Variants in TMPRSS9 observed in about 807,000 individuals in gnomAD.
TMPRSS9 encodes the protein transmembrane serine protease 9, also known as transmembrane protease serine 9.
Under a neutral mutation model 111.4 loss-of-function variants are expected in TMPRSS9, and 113 were observed. The observed-to-expected ratio is 1.01, with a 90% CI of 0.87 to 1.19. The LOEUF (loss-of-function observed/expected upper bound fraction) is 1.19, where lower values mean the gene tolerates loss of function less well. TMPRSS9 is among the 50% of genes most tolerant of loss of function. TMPRSS9 has a pLI of 0.00. For missense variants in TMPRSS9, 1,803 were observed against 1,513.1 expected (o/e 1.19, Z -3.18); for synonymous variants, 805 against 659.1 (o/e 1.22, Z -3.39).
chr19:2,413,764 T>C, exon 10 of TMPRSS9: 1 of 1,613,464 alleles, frequency 6.2e-7, no homozygotes, highest in Non-Finnish European at 8.5e-7. Context: ...GCTGGCATCG[T>C]GAGCTGGGGA....
intron 1 of TMPRSS9, among the ~76,000 whole-genome samples, chr19:2,391,346 A>G (rs1260601724): frequency 1.3e-5 from 2 of 148,778 alleles, no homozygotes; most frequent in Non-Finnish European, 3.0e-5. Flanking sequence ...TCGCGATCCT[A>G]TGAGAATCCT....
At chr19:2,363,600 G>C (rs998876640) in intron 1 of TMPRSS9, among the ~76,000 whole-genome samples, 2 of 151,790 alleles carry the variant, frequency 1.3e-5, no homozygotes, top group Admixed American at 1.3e-4. Flanking sequence ...TGATGGAGCT[G>C]GTGCTTGGGG....
intron 13 of TMPRSS9, among the ~76,000 whole-genome samples, chr19:2,419,160 ACCTTTCCTTCCTTT>A (rs369095640): frequency 0.077 from 4,975 of 64,532 alleles, 228 homozygotes; most frequent in East Asian, 0.24. Flanking sequence ...TTCCCTCCCT[ACCTTTCCTTCCTTT>A]CCTTTCCTTC....
rs1971329769 is a variant in TMPRSS9, at chr19:2,418,370, TCCC to T, written c.2154+233_2154+235del. 2.0e-4 allele frequency among the ~76,000 whole-genome samples: 10 copies of T among 50,970 alleles called. 1 individual carries two copies. Among genetic ancestry groups the T allele is most frequent in the African/African-American group, 9.0e-4 (9 of 10,026 alleles). The allele number at this position is 50,970 out of a possible 152,430, so 33.4% of individuals were successfully genotyped here. A position where few individuals can be genotyped will look rare whatever the true frequency, so the allele number is the denominator to read the frequency against. The stretch of plus-strand genomic sequence containing the variant: ...CTTTCCCTCCCTCCCTCCCTTCCCT[TCCC>T]TCCCTCCCTTTCCTTCCCTCCCTGG... On this transcript the variant is annotated intron_variant, in intron 13 of 17. Transcript: ENST00000648592.
intron 1 of TMPRSS9, among the ~76,000 whole-genome samples, chr19:2,390,627 G>A (rs567987045): frequency 4.6e-5 from 7 of 151,418 alleles, no homozygotes; most frequent in South Asian, 4.2e-4. Flanking sequence ...AGGCTGAGGC[G>A]GGAGGACCAT....
intron 1 of TMPRSS9, among the ~76,000 whole-genome samples, chr19:2,377,516 T>C (rs1394482384): frequency 5.0e-5 from 1 of 20,048 alleles, no homozygotes; most frequent in African/African-American, 3.4e-4. Flanking sequence ...CCCCCTCCCC[T>C]CACCTTCCCT....
intron 1 of TMPRSS9, among the ~76,000 whole-genome samples, chr19:2,379,812 A>G (rs1345204110): frequency 6.8e-6 from 1 of 146,144 alleles, no homozygotes; most frequent in Non-Finnish European, 1.5e-5. Flanking sequence ...TCTCAAGTGC[A>G]GTGGCACAAT....
intron 1 of TMPRSS9, among the ~76,000 whole-genome samples, chr19:2,375,167 A>T (rs1970322318): frequency 6.6e-6 from 1 of 152,198 alleles, no homozygotes; most frequent in Non-Finnish European, 1.5e-5. Flanking sequence ...TACACGTGGC[A>T]GTTTAGGAGC....
chr19:2,398,986 C>A (rs760967797), intron 3 of TMPRSS9, 32 bp from the exon 5 acceptor site: 1 of 1,599,216 alleles, frequency 6.3e-7, no homozygotes, highest in Admixed American at 1.7e-5. Flanking sequence ...GGAGCCCCTC[C>A]CTCTCCAAGG....
chr19:2,385,188 C>CGGGGCTCGA (rs1970452929), upstream of TMPRSS9, among the ~76,000 whole-genome samples: 1 of 24,936 alleles, frequency 4.0e-5, no homozygotes, highest in African/African-American at 1.3e-4. Context: ...GCGGGGCTCG[C>CGGGGCTCGA]GGGGGCGGGG....
At chr19:2,410,898 G>A (rs1046677282) in intron 9 of TMPRSS9, among the ~76,000 whole-genome samples, 6 of 152,106 alleles carry the variant, frequency 3.9e-5, no homozygotes, top group Admixed American at 1.3e-4. Flanking sequence ...CATACCCTGG[G>A]CATCAGATTC....
At chr19:2,408,586 A>G in exon 8 of TMPRSS9, 1 of 1,613,454 alleles carries the variant, frequency 6.2e-7, no homozygotes, top group South Asian at 1.1e-5. Context: ...CCACCCAGCA[A>G]GAAGTGCCTG....
Position 2,364,219 on chromosome 19 carries a change from A to G in TMPRSS9, c.-26+3859A>G, listed in dbSNP as rs190517790. On this transcript the variant is annotated intron_variant, in intron 1 of 17. Transcript: ENST00000649857. ...GAATGAATGAATGAATGAATGAATGAAAGACGCATAAATAGAAGAAATTTA... is the reference window on the plus strand; with the variant it reads ...GAATGAATGAATGAATGAATGAATGGAAGACGCATAAATAGAAGAAATTTA... Among the ~76,000 whole-genome samples the G allele has an allele frequency of 9.2e-5, 14 of 152,252 alleles. No homozygotes were observed. The East Asian group carries it at 2.7e-3, about 29-fold the overall frequency.
chr19:2,384,542 G>A (rs942381277), intron 1 of TMPRSS9, among the ~76,000 whole-genome samples: 8 of 152,244 alleles, frequency 5.3e-5, no homozygotes, highest in South Asian at 4.1e-4. Context: ...GTGGTCAGGC[G>A]CGGTGGCTCA....
chr19:2,363,780 C>CTG lies in TMPRSS9; in HGVS notation c.-26+3427_-26+3428dup, dbSNP rs200595061. 4.5e-3 allele frequency among the ~76,000 whole-genome samples: 535 copies of CTG among 119,152 alleles called. 5 individuals are homozygous for CTG. Among genetic ancestry groups the CTG allele is most frequent in the African/African-American group, 0.02 (504 of 25,754 alleles). The allele number at this position is 119,152 out of a possible 152,430, so 78.2% of individuals were successfully genotyped here. A position where few individuals can be genotyped will look rare whatever the true frequency, so the allele number is the denominator to read the frequency against. On this transcript the variant is annotated intron_variant, in intron 1 of 17. Transcript: ENST00000649857. ...AGGAGTCACTAGAATTCCAAGAACT[C>CTG]TGTGTGTGAGTGTGTGTGTGTGTGC...
At position 2,360,994 on chromosome 19, in the gene TMPRSS9, C is replaced by T. The variant is rs150726962; in HGVS notation, c.-26+634C>T. Among the ~76,000 whole-genome samples the T allele has an allele frequency of 2.1e-3, 318 of 149,732 alleles. 4 individuals carry two copies. The highest frequency in any genetic ancestry group is 6.9e-3 in the African/African-American group (279 of 40,472). On this transcript the variant is annotated intron_variant, in intron 1 of 17. Transcript: ENST00000649857. ...AGTTCCTGGAGGGGCCTGGGACCGC[C>T]GAAGCCCTCCCCATCCCTGTTCCCA...
chr19:2,369,240 C>T (rs982080743), intron 1 of TMPRSS9, among the ~76,000 whole-genome samples: 14 of 152,016 alleles, frequency 9.2e-5, no homozygotes, highest in African/African-American at 1.7e-4. Context: ...CCACTGTGCC[C>T]GGCCAAACCC....
chr19:2,362,982 C>T (rs1423573096), intron 1 of TMPRSS9, among the ~76,000 whole-genome samples: 3 of 151,858 alleles, frequency 2.0e-5, no homozygotes. Flanking sequence ...TGCAAATCCC[C>T]TCTTCCTAGT....
intron 6 of TMPRSS9, among the ~76,000 whole-genome samples, chr19:2,404,005 A>G (rs913900456): frequency 4.0e-5 from 6 of 150,322 alleles, no homozygotes; most frequent in South Asian, 2.1e-4. Context: ...AAAAAAAAAA[A>G]AAAAGAAAAA....
Sources: allele counts gnomAD v4.1 joint callset (sites outside exome capture counted in the v4.1 genomes callset), GRCh38; gene constraint gnomAD v4.1.1; transcripts MANE v1.5; gene names NCBI Gene and HGNC (gene_info 2026-07-23, HGNC 2026-07-21).